DSCAM: variants seen among roughly 807,000 people sequenced by gnomAD.
DSCAM encodes cell adhesion molecule DSCAM.
A neutral mutation model predicts 217.7 loss-of-function variants in DSCAM; 47 were observed. The observed-to-expected ratio is 0.22, with a 90% CI of 0.17 to 0.28. The LOEUF is 0.28. DSCAM is among the 10% of genes least tolerant of loss of function. The pLI is 1.00. For synonymous variants in DSCAM, 1,056 were observed against 1,015.3 expected, an observed-to-expected ratio of 1.04 and a Z score of -0.76; for missense variants, 2,080 against 2,618.3, an observed-to-expected ratio of 0.79 and a Z score of 4.49.
intron 3 of DSCAM, among the ~76,000 whole-genome samples, chr21:40,587,401 G>A (rs143508484): frequency 6.6e-6 from 1 of 152,146 alleles, no homozygotes; most frequent in East Asian, 1.9e-4. Flanking sequence ...CATTCATGTT[G>A]GAAAATGTTT....
intron 18 of DSCAM, among the ~76,000 whole-genome samples, chr21:40,139,470 G>T (rs1159379596): frequency 6.6e-6 from 1 of 152,020 alleles, no homozygotes; most frequent in Non-Finnish European, 1.5e-5. Context: ...GAAGGGTTGC[G>T]TTCTTCTGAG....
At chr21:40,574,588 T>C (rs2076833922) in intron 3 of DSCAM, among the ~76,000 whole-genome samples, 1 of 152,218 alleles carries the variant, frequency 6.6e-6, no homozygotes, top group Admixed American at 6.5e-5. Flanking sequence ...TCATCACTTT[T>C]AGTCACTTCT....
chr21:40,142,854 C>T, intron 17 of DSCAM, 150 bp from the exon 18 acceptor site: 1 of 905,176 alleles, frequency 1.1e-6, no homozygotes, highest in Non-Finnish European at 1.7e-6. Flanking sequence ...AAGATCACTT[C>T]CCTGGAAAAA....
intron 15 of DSCAM, among the ~76,000 whole-genome samples, chr21:40,169,371 T>C (rs1762363507): frequency 6.6e-6 from 1 of 152,054 alleles, no homozygotes; most frequent in African/African-American, 2.4e-5. Flanking sequence ...CAAAACAAAG[T>C]CTTGGAAAAT....
chr21:40,312,043 C>G (rs2123491567), intron 9 of DSCAM, 38 bp downstream of exon 9: 1 of 1,403,646 alleles, frequency 7.1e-7, no homozygotes, highest in South Asian at 1.1e-5. Context: ...GTTAAATCAA[C>G]TCTACAGATG....
At position 40,574,569 on chromosome 21, in the gene DSCAM, G is replaced by A. The variant is rs1601756499; in HGVS notation, c.508+118241C>T. On this transcript the variant is annotated intron_variant, in intron 3 of 32. Coordinates refer to ENST00000400454, the MANE Select transcript of DSCAM (RefSeq NM_001389.5). ...CCCTTAGGGTTAGGAACAAGGCAAAGGTATTCACTCATCACTTTTAGTCAC... is the reference window on the plus strand; with the variant it reads ...CCCTTAGGGTTAGGAACAAGGCAAAAGTATTCACTCATCACTTTTAGTCAC... Among the ~76,000 whole-genome samples, 3 of 152,116 alleles carry A rather than the reference G, an allele frequency of 2.0e-5. No homozygotes were observed. The South Asian group carries it at 6.2e-4, about 31-fold the overall frequency.
chr21:40,108,202 G>A (rs1347053538), intron 20 of DSCAM, among the ~76,000 whole-genome samples: 2 of 152,160 alleles, frequency 1.3e-5, no homozygotes, highest in African/African-American at 4.8e-5. Context: ...CATTCAAACA[G>A]GAAGAGAGGA....
In DSCAM at chr21:40,189,258, A is replaced by G. The variant is rs1294354789; in HGVS notation, c.2357-20T>C. 1.3e-6 allele frequency: 2 copies of G among 1,538,874 alleles called. No individual in the cohort carries two copies. The highest frequency in any genetic ancestry group is 1.4e-5 in the African/African-American group (1 of 72,408). ...CAGGAACTGAAAAAGCAAAAGGGAC[A>G]CAACTTGTTCAGCAAAGCAGGGTTC... On this transcript the variant is annotated intron_variant, in intron 11 of 32. Coordinates refer to ENST00000400454, the MANE Select transcript of DSCAM (RefSeq NM_001389.5).
At chr21:40,433,346 TA>T (rs10678618) in intron 3 of DSCAM, among the ~76,000 whole-genome samples, 135 of 93,714 alleles carry the variant, frequency 1.4e-3, no homozygotes, top group South Asian at 4.0e-3. Flanking sequence ...AGACTCCGTC[TA>T]AAAAAAAAAA....
chr21:40,633,393 G>C (rs1464296074), intron 3 of DSCAM, among the ~76,000 whole-genome samples: 1 of 152,200 alleles, frequency 6.6e-6, no homozygotes, highest in Non-Finnish European at 1.5e-5. Flanking sequence ...GGGACCCACA[G>C]CTCAGATAAA....
chr21:40,103,989 T>A (rs1419767202), intron 20 of DSCAM, among the ~76,000 whole-genome samples: 3 of 152,110 alleles, frequency 2.0e-5, no homozygotes, highest in Admixed American at 6.6e-5. Flanking sequence ...AAAGTTGATA[T>A]CCAGAGAAGG....
intron 20 of DSCAM, among the ~76,000 whole-genome samples, chr21:40,116,352 C>A (rs548675530): frequency 1.3e-5 from 2 of 152,072 alleles, no homozygotes; most frequent in Non-Finnish European, 2.9e-5. Context: ...TAGAACTAGC[C>A]GTGAAATAAA....
intron 9 of DSCAM, among the ~76,000 whole-genome samples, chr21:40,301,288 C>T (rs143154733): frequency 1.1e-3 from 170 of 152,270 alleles, no homozygotes; most frequent in Non-Finnish European, 2.0e-3. Context: ...TTCCCATGGC[C>T]CTTTGGTATA....
intron 3 of DSCAM, among the ~76,000 whole-genome samples, chr21:40,691,121 T>A (rs567401769): frequency 5.2e-4 from 79 of 152,362 alleles, no homozygotes; most frequent in South Asian, 1.7e-3. Flanking sequence ...ATATTTCAAT[T>A]TCTCACCCAG....
chr21:40,126,663 T>C (rs1403136222), intron 19 of DSCAM, among the ~76,000 whole-genome samples: 1 of 152,228 alleles, frequency 6.6e-6, no homozygotes, highest in Non-Finnish European at 1.5e-5. Context: ...ACATTTCAGG[T>C]ACTTCCTGGC....
chr21:40,818,547 C>CAAAA (rs60730859), intron 1 of DSCAM, among the ~76,000 whole-genome samples: 12 of 41,854 alleles, frequency 2.9e-4, no homozygotes, highest in Admixed American at 4.3e-4. Context: ...CTCCGTCTCA[C>CAAAA]AAAAAAAAAA....
At chr21:40,342,230 C>G in intron 6 of DSCAM, among the ~76,000 whole-genome samples, 1 of 152,006 alleles carries the variant, frequency 6.6e-6, no homozygotes, top group East Asian at 1.9e-4. Flanking sequence ...TTATAATGAT[C>G]TGATACATTT....
chr21:40,330,387 TAATA>T (rs944644821), intron 8 of DSCAM, among the ~76,000 whole-genome samples: 38 of 130,188 alleles, frequency 2.9e-4, no homozygotes, highest in African/African-American at 1.0e-3. Flanking sequence ...ATGTATTATA[TAATA>T]AATATATATT....
rs1204128933 is a variant in DSCAM, at chr21:40,494,182, A to G, written c.509-124937T>C. On this transcript the variant is annotated intron_variant, in intron 3 of 32. Transcript: ENST00000400454. ...GAAAGCCAGTAACAAAGTGACACTA[A>G]TAAGTCCTTACCTATTTACAATTAC... 2.0e-5 allele frequency among the ~76,000 whole-genome samples: 3 copies of G among 152,302 alleles called. No individual in the cohort carries two copies. In the East Asian group the frequency reaches 5.8e-4, roughly 29 times the overall value.
Sources: gnomAD v4.1 joint callset for allele counts (sites outside exome capture counted in the v4.1 genomes callset) on GRCh38, gnomAD v4.1.1 for gene constraint, MANE v1.5 for transcripts, NCBI Gene and HGNC (gene_info 2026-07-23, HGNC 2026-07-21) for gene names.